The following TRIM64C variants were observed in gnomAD, a reference collection of about 807,000 sequenced individuals.
TRIM64C encodes the protein tripartite motif-containing protein 64C.
In TRIM64C, 25 loss-of-function variants were observed where a neutral mutation model predicts 36.1. That is an observed-to-expected ratio of 0.69 (90% CI 0.51 to 0.97). The LOEUF is 0.97. Ranked by LOEUF, TRIM64C falls within the 50% of genes least tolerant of loss-of-function variation. The pLI is 0.00. For synonymous variants in TRIM64C, 212 were observed against 185.7 expected, an observed-to-expected ratio of 1.14 and a Z score of -1.15; for missense variants, 489 against 536.8, an observed-to-expected ratio of 0.91 and a Z score of 0.88.
chr11:49,055,602 C>A (rs1854804042), intron 4 of TRIM64C, among the ~76,000 whole-genome samples, 195 bp from the exon 5 acceptor site: 2 of 152,214 alleles, frequency 1.3e-5, no homozygotes, highest in East Asian at 3.9e-4. Flanking sequence ...CATAAAAACC[C>A]AATTTCTCCA....
At position 49,053,740 on chromosome 11, in the gene TRIM64C, G is replaced by C. The variant is rs1231835128; in HGVS notation, c.1327C>G (p.Pro443Ala). ...PPSSFSSPLR[P>A]FFCFGCT ...CATGTACAACCAAAGCAAAAGAAAG[G>C]CCTCAGAGGGGAAGAGAAGGAGGAA... The change falls in exon 6 of 6, where the codon CCT (proline) becomes GCT (alanine). Residue 443 changes from proline to alanine, a missense_variant. By Grantham distance (27) the Pro-to-Ala change is conservative. Coordinates refer to ENST00000617704, the MANE Select transcript of TRIM64C (RefSeq NM_001206631.1). 3.9e-6 allele frequency: 6 copies of C among 1,550,224 alleles called. No individual in the cohort carries two copies. In the Admixed American group the frequency reaches 7.9e-5, roughly 20 times the overall value.
rs757510073 is a variant in TRIM64C at position 49,058,032 on chromosome 11, T to G, written c.507+46A>C. ...TTTAGCTAAAAAGTATAAGCCAACT[T>G]TGTGTTTATTTGCATAAAAACAAAG... On this transcript the variant is annotated intron_variant, in intron 2 of 5. Coordinates refer to ENST00000617704, the MANE Select transcript of TRIM64C (RefSeq NM_001206631.1). The G allele has an allele frequency of 2.3e-6, 3 of 1,327,664 alleles. No homozygotes were observed. The South Asian group carries it at 4.0e-5, about 18-fold the overall frequency. The allele number at this position is 1,327,664 out of a possible 1,614,324, so 82.2% of individuals were successfully genotyped here.
At chr11:49,058,385 C>T (rs1269969074) in intron 1 of TRIM64C, among the ~76,000 whole-genome samples, 3 of 151,730 alleles carry the variant, frequency 2.0e-5, no homozygotes, top group African/African-American at 7.3e-5. Flanking sequence ...CAGATAATAT[C>T]ATCAATTTTC....
At position 49,054,294 on chromosome 11, in the gene TRIM64C, C is replaced by CAAGGAAATACAGAAAAAAA; in HGVS notation, c.860-88_860-87insTTTTTTTCTGTATTTCCTT. 2.1e-6 allele frequency: 3 copies of CAAGGAAATACAGAAAAAAA among 1,431,352 alleles called. No individual in the cohort carries two copies. The South Asian group carries it at 4.5e-5, about 21-fold the overall frequency. 88.7% of individuals were successfully genotyped at this position (1,431,352 alleles called of 1,614,324 possible). ...TTATTCACTTCATTTGCTCTTCTTC[C>CAAGGAAATACAGAAAAAAA]AAGGAAATACAGAAAAAAGGAAACC... On this transcript the variant is annotated intron_variant, in intron 5 of 5. Transcript: ENST00000617704.
intron 1 of TRIM64C, 58 bp downstream of exon 1, chr11:49,058,643 G>A: frequency 6.5e-7 from 1 of 1,533,118 alleles, no homozygotes; most frequent in Non-Finnish European, 8.7e-7. Context: ...CATTATCACA[G>A]GCCCTCATCA....
chr11:49,053,887 G>T lies in TRIM64C; in HGVS notation c.1180C>A (p.Pro394Thr). ...CTTTGCACATACTGGATTAAAGGTG[G>T]AGAATTGGTGGAGAGACTATAGTGA... ...SNHYSLSTNSPPLIQYVQRPL... is the reference protein window; with the variant it reads ...SNHYSLSTNSTPLIQYVQRPL... Residue 394 changes from proline (P) to threonine (T), a missense_variant, in exon 6 of 6, where the codon CCA becomes ACA. Coordinates refer to ENST00000617704, the MANE Select transcript of TRIM64C (RefSeq NM_001206631.1). The T allele has an allele frequency of 6.4e-7, 1 of 1,551,708 alleles. No individual in the cohort carries two copies. Among genetic ancestry groups the T allele is most frequent in the East Asian group, 2.4e-5 (1 of 40,918 alleles).
At position 49,055,328 on chromosome 11, in the gene TRIM64C, T is replaced by C; in HGVS notation, c.841A>G (p.Met281Val). The stretch of plus-strand genomic sequence containing the variant: ...CTCTTGCCTCTGAAGTTGTTGAGCA[T>C]GTCTAGGACTCCAGTTATGCACCAT... ...TSWCITGVLD[M>V]LNNFRVDNAL... The change falls in exon 5 of 6, where the codon ATG becomes GTG. Residue 281 changes from methionine (M) to valine (V), a missense_variant. Transcript: ENST00000617704. 3.3e-6 allele frequency: 5 copies of C among 1,536,002 alleles called. No individual in the cohort carries two copies. Among genetic ancestry groups the C allele is most frequent in the East Asian group, 2.4e-5 (1 of 40,892 alleles).
rs528032743 is a variant in TRIM64C at position 49,059,038 on chromosome 11, C to T, written c.75G>A (p.Pro25=). ...CCICVNYFID[P]VTTDCVHSFC... ...AGCTGTGCACACAGTCAGTGGTGAC[C>T]GGGTCTATGAAGTAGTTCACGCAAA... The change falls in exon 1 of 6, where the codon CCG becomes CCA. Residue 25 remains proline (P), a synonymous_variant. Coordinates refer to ENST00000617704, the MANE Select transcript of TRIM64C (RefSeq NM_001206631.1). 236 of 1,552,338 alleles carry T rather than the reference C, an allele frequency of 1.5e-4. 3 individuals are homozygous for T. In the South Asian group the frequency reaches 2.4e-3, roughly 16 times the overall value.
rs1565097959 is a variant in TRIM64C, at chr11:49,056,299, C to T, written c.761+60G>A. 3.1e-6 allele frequency: 4 copies of T among 1,293,904 alleles called. No individual in the cohort carries two copies. The East Asian group carries it at 7.6e-5, about 25-fold the overall frequency. The allele number at this position is 1,293,904 out of a possible 1,614,324, so 80.2% of individuals were successfully genotyped here. A position where few individuals can be genotyped will look rare whatever the true frequency, so the allele number is the denominator to read the frequency against. On this transcript the variant is annotated intron_variant, in intron 4 of 5. Transcript: ENST00000617704. ...TGTTAGTACTCAAAATGTATACATC[C>T]CCTTCATTCACAAGAGAACAAATTT...
intron 2 of TRIM64C, chr11:49,057,857 A>T (rs755543081): frequency 1.9e-6 from 1 of 518,466 alleles, no homozygotes; most frequent in Non-Finnish European, 3.5e-6. Context: ...TCAAATTTGA[A>T]CTAGAATACA....
chr11:49,058,196 A>G (rs542133770), intron 1 of TRIM64C, 24 bp from the exon 2 acceptor site: 2 of 1,416,822 alleles, frequency 1.4e-6, no homozygotes, highest in African/African-American at 2.9e-5. Flanking sequence ...CAAGAAGCTT[A>G]GCAATGATGA....
chr11:49,057,742 T>C (rs1254397575), intron 2 of TRIM64C: 6 of 476,576 alleles, frequency 1.3e-5, no homozygotes, highest in South Asian at 7.0e-5. Flanking sequence ...TTACTTTTAC[T>C]ATATTTTTAC....
intron 4 of TRIM64C, 120 bp from the exon 5 acceptor site, chr11:49,055,527 T>C: frequency 6.8e-6 from 9 of 1,331,970 alleles, no homozygotes; most frequent in Non-Finnish European, 9.2e-6. Flanking sequence ...TTTGGTTAAC[T>C]GGATGTACAT....
rs190188128 is a variant in TRIM64C, at chr11:49,058,354, A to G, written c.413-182T>C. On this transcript the variant is annotated intron_variant, in intron 1 of 5. Coordinates refer to ENST00000617704, the MANE Select transcript of TRIM64C (RefSeq NM_001206631.1). ...ATGTGAAAAGTGATAGAAACATAAT[A>G]GAGAGTTTTAAGGGACCTTTCAGAT... is the stretch of plus-strand genomic sequence containing the variant. 1.2e-4 allele frequency among the ~76,000 whole-genome samples: 18 copies of G among 152,034 alleles called. No individual in the cohort carries two copies. The East Asian group carries it at 3.5e-3, about 29-fold the overall frequency.
Position 49,053,787 on chromosome 11 carries a change from G to T in TRIM64C, c.1280C>A (p.Ser427Tyr), listed in dbSNP as rs913385050. The T allele has an allele frequency of 2.4e-4, 375 of 1,551,306 alleles. No individual in the cohort carries two copies. Among genetic ancestry groups the T allele is most frequent in the Non-Finnish European group, 3.2e-4 (362 of 1,146,828 alleles). Residue 427 changes from serine (S) to tyrosine (Y), a missense_variant, in exon 6 of 6, where the codon TCT becomes TAT. Coordinates refer to ENST00000617704, the MANE Select transcript of TRIM64C (RefSeq NM_001206631.1). The stretch of plus-strand genomic sequence containing the variant: ...GGAAGGAGGAAAACCATAGATAAGA[G>T]AACCTTTAGAAACATCAAAAAAACT... ...SVSFFDVSKG[S>Y]LIYGFPPSSF... is the part of the protein sequence containing the mutation.
chr11:49,057,096 G>T, intron 3 of TRIM64C, 52 bp downstream of exon 3: 2 of 1,545,154 alleles, frequency 1.3e-6, no homozygotes, highest in Non-Finnish European at 1.7e-6. Context: ...TGTCCTGGCA[G>T]CATTGTCCAG....
chr11:49,055,890 C>A (rs2134720270), intron 4 of TRIM64C, among the ~76,000 whole-genome samples: 1 of 152,272 alleles, frequency 6.6e-6, no homozygotes, highest in African/African-American at 2.4e-5. Flanking sequence ...GGTCCCGAGG[C>A]AACCATTTTC....
intron 3 of TRIM64C, 101 bp downstream of exon 3, chr11:49,057,047 C>G: frequency 7.0e-7 from 1 of 1,419,074 alleles, no homozygotes; most frequent in Non-Finnish European, 9.7e-7. Context: ...GCATGTGTCA[C>G]TTAGCTTAGA....
In TRIM64C at chr11:49,059,092, T is replaced by C; in HGVS notation, c.21A>G (p.Arg7=). The stretch of plus-strand genomic sequence containing the variant: ...AGCAAATGAGCTCATTCTGGAAGAC[T>C]CGCAGGGTGTCTGAATCCATGTTTC... MDSDTL[R]VFQNELICCI... Residue 7 remains arginine (R), a synonymous_variant, in exon 1 of 6, where the codon CGA becomes CGG. Transcript: ENST00000617704. 1 of 1,549,496 alleles carries C rather than the reference T, an allele frequency of 6.5e-7. No individual in the cohort carries two copies. Among genetic ancestry groups the C allele is most frequent in the South Asian group, 1.2e-5 (1 of 83,876 alleles).
Sources: allele counts gnomAD v4.1 joint callset (sites outside exome capture counted in the v4.1 genomes callset), GRCh38; gene constraint gnomAD v4.1.1; transcripts MANE v1.5; gene names NCBI Gene and HGNC (gene_info 2026-07-23, HGNC 2026-07-21).